The following ATP7A variants were observed in gnomAD, a reference collection of about 807,000 sequenced individuals.
ATP7A encodes copper-transporting ATPase 1.
ATP7A carries 7 observed loss-of-function variants against 83.5 expected under a neutral mutation model. That is an observed-to-expected ratio of 0.08 (90% CI 0.05 to 0.16). The LOEUF (loss-of-function observed/expected upper bound fraction) is 0.16, where lower values mean the gene tolerates loss of function less well. ATP7A is among the 10% of genes least tolerant of loss of function. The pLI, the probability that ATP7A is intolerant of heterozygous loss-of-function variation, is 1.00. For missense variants in ATP7A, 940 were observed against 1,120.8 expected, an observed-to-expected ratio of 0.84 and a Z score of 2.30; for synonymous variants, 354 against 395.2, an observed-to-expected ratio of 0.90 and a Z score of 1.24.
At chrX:77,954,448 C>T (rs1461983988) in intron 1 of ATP7A, among the ~76,000 whole-genome samples, 2 of 112,188 alleles carry the variant, frequency 1.8e-5, no homozygotes, top group Admixed American at 9.5e-5. Context: ...GGCAAACATA[C>T]ACCTGCCTAC....
chrX:78,046,383 G>C lies in ATP7A; in HGVS notation c.4316G>C (p.Gly1439Ala). 3.3e-6 allele frequency: 4 copies of C among 1,211,339 alleles called. No individual in the cohort carries two copies. The highest frequency in any genetic ancestry group is 4.5e-6 in the Non-Finnish European group (4 of 895,109). Residue 1439 changes from glycine (G) to alanine (A), a missense_variant, in exon 23 of 23, where the codon GGA (glycine) becomes GCA (alanine). Gly to Ala is a moderately conservative substitution (Grantham distance 60). Transcript: ENST00000341514. ...KSPSEISVHV[G>A]IDDTSRNSPK... ...CCTTCAGAAATCAGCGTTCATGTTG[G>C]AATAGATGATACCTCAAGGAATTCT...
At chrX:77,966,318 A>G (rs2077505349) in intron 1 of ATP7A, among the ~76,000 whole-genome samples, 1 of 112,202 alleles carries the variant, frequency 8.9e-6, no homozygotes, top group Non-Finnish European at 1.9e-5. Context: ...TTAGAAGAAA[A>G]CATAGCAGTA....
chrX:77,986,478 C>T (rs1394569348), intron 2 of ATP7A, among the ~76,000 whole-genome samples: 1 of 111,633 alleles, frequency 9.0e-6, no homozygotes, highest in African/African-American at 3.3e-5. Flanking sequence ...CTATGGCCAT[C>T]TCAAAAATCA....
intron 14 of ATP7A, among the ~76,000 whole-genome samples, chrX:78,027,235 C>T (rs993830422): frequency 9.0e-6 from 1 of 110,965 alleles, no homozygotes; most frequent in Non-Finnish European, 1.9e-5. Context: ...ACTCCCAGAC[C>T]AGATAAACTA....
intron 7 of ATP7A, 195 bp downstream of exon 7, chrX:78,009,458 G>A (rs781868400): frequency 2.1e-6 from 1 of 485,172 alleles, no homozygotes; most frequent in South Asian, 2.9e-5. Context: ...GAAAAGTTAG[G>A]CAAAGGTACA....
At chrX:78,023,368 A>G (rs1370598276) in intron 14 of ATP7A, among the ~76,000 whole-genome samples, 2 of 112,564 alleles carry the variant, frequency 1.8e-5, no homozygotes, top group African/African-American at 6.5e-5. Context: ...TTCTTGGAGA[A>G]ATCTCCAGAC....
intron 6 of ATP7A, among the ~76,000 whole-genome samples, chrX:78,004,716 CT>C (rs1199341661): frequency 9.2e-6 from 1 of 108,947 alleles, no homozygotes; most frequent in African/African-American, 3.3e-5. Context: ...AACCCCGTGT[CT>C]ACTAAAAATA....
At chrX:78,000,433 A>C (rs188685443) in intron 5 of ATP7A, among the ~76,000 whole-genome samples, 320 of 109,555 alleles carry the variant, frequency 2.9e-3, no homozygotes, top group Non-Finnish European at 4.2e-3. Context: ...AATTTTTTTT[A>C]AGTCTGTTAA....
At chrX:78,029,803 A>C (rs1171423018) in intron 15 of ATP7A, among the ~76,000 whole-genome samples, 3 of 111,734 alleles carry the variant, frequency 2.7e-5, no homozygotes, top group Non-Finnish European at 3.8e-5. Flanking sequence ...TTTGTGTGTG[A>C]CTTGTTTTCT....
intron 1 of ATP7A, among the ~76,000 whole-genome samples, chrX:77,917,455 C>T (rs1372103565): frequency 1.8e-5 from 2 of 111,463 alleles, no homozygotes; most frequent in African/African-American, 6.5e-5. Context: ...CTATAGGCAA[C>T]AAACTGATAT....
intron 1 of ATP7A, among the ~76,000 whole-genome samples, chrX:77,948,100 T>TATTCATTCATTC (rs56093900): frequency 7.8e-5 from 7 of 89,750 alleles, no homozygotes; most frequent in African/African-American, 3.2e-4. Flanking sequence ...TTTATTTATT[T>TATTCATTCATTC]ATTCATTCAT....
intron 1 of ATP7A, among the ~76,000 whole-genome samples, chrX:77,965,263 G>A (rs1189406096): frequency 9.0e-6 from 1 of 111,651 alleles, no homozygotes; most frequent in African/African-American, 3.3e-5. Flanking sequence ...GTATTTGAAA[G>A]TCATATATCT....
At chrX:77,978,270 G>T (rs1557230554) in intron 2 of ATP7A, among the ~76,000 whole-genome samples, 2 of 110,411 alleles carry the variant, frequency 1.8e-5, no homozygotes, top group African/African-American at 6.6e-5. Flanking sequence ...AGGCTATTTG[G>T]CTATAGGTGG....
intron 1 of ATP7A, among the ~76,000 whole-genome samples, chrX:77,920,182 G>A (rs2077205427): frequency 9.2e-6 from 1 of 108,883 alleles, no homozygotes; most frequent in Non-Finnish European, 1.9e-5. Flanking sequence ...GTAGTCCGCA[G>A]TATCTATTGT....
chrX:77,998,366 C>T (rs2077717541), intron 4 of ATP7A, 112 bp from the exon 5 acceptor site: 3 of 769,697 alleles, frequency 3.9e-6, no homozygotes, highest in Admixed American at 2.3e-5. Flanking sequence ...GGAACTTGCT[C>T]GTTTTAAAGG....
At chrX:77,926,887 G>C (rs2077244497) in intron 1 of ATP7A, among the ~76,000 whole-genome samples, 1 of 110,307 alleles carries the variant, frequency 9.1e-6, no homozygotes, top group Non-Finnish European at 1.9e-5. Context: ...GTTTTCAGTA[G>C]AGACGGGGTG....
intron 1 of ATP7A, among the ~76,000 whole-genome samples, chrX:77,966,368 A>G (rs1326293174): frequency 2.7e-5 from 3 of 112,534 alleles, no homozygotes; most frequent in African/African-American, 9.7e-5. Context: ...TTTCTTAGAT[A>G]TGACACAAAA....
rs782353613 is a variant in ATP7A at position 77,930,756 on chromosome X, G to C, written c.-22+19921G>C. Among the ~76,000 whole-genome samples the C allele has an allele frequency of 9.0e-5, 10 of 111,245 alleles. No homozygotes were observed. In the South Asian group the frequency reaches 3.8e-3, roughly 42 times the overall value. ...TGTAAAGGTTAAATGAGTTAACAAA[G>C]CACTGCTGATGGTAAGCTCTGGTAA... On this transcript the variant is annotated intron_variant, in intron 1 of 22. Coordinates refer to ENST00000341514, the MANE Select transcript of ATP7A (RefSeq NM_000052.7).
At chrX:77,940,016 T>G (rs1432631302) in intron 1 of ATP7A, among the ~76,000 whole-genome samples, 3 of 109,939 alleles carry the variant, frequency 2.7e-5, no homozygotes, top group African/African-American at 9.9e-5. Context: ...GGAGGGAGGA[T>G]CTGACACAAT....
Sources: gnomAD v4.1 joint callset for allele counts (sites outside exome capture counted in the v4.1 genomes callset) on GRCh38, gnomAD v4.1.1 for gene constraint, MANE v1.5 for transcripts, NCBI Gene and HGNC (gene_info 2026-07-23, HGNC 2026-07-21) for gene names.